BCOR: variants seen among roughly 807,000 people sequenced by gnomAD.
BCOR encodes BCL6 corepressor, also known as BCL-6 corepressor.
BCOR carries 10 observed loss-of-function variants against 86.7 expected under a neutral mutation model. The observed-to-expected ratio is 0.12, with a 90% CI of 0.07 to 0.20. The LOEUF (loss-of-function observed/expected upper bound fraction) is 0.20, where lower values mean the gene tolerates loss of function less well. BCOR is among the 10% of genes least tolerant of loss of function. BCOR has a pLI of 1.00. For missense variants in BCOR, 1,259 were observed against 1,452.1 expected (o/e 0.87, Z 2.16); for synonymous variants, 611 against 609.0 (o/e 1.00, Z -0.05).
intron 1 of BCOR, among the ~76,000 whole-genome samples, chrX:40,085,785 CGGTCCAGAGGCA>C (rs1936330997): frequency 1.8e-5 from 2 of 111,750 alleles, no homozygotes; most frequent in Non-Finnish European, 3.8e-5. Flanking sequence ...TGCCCCAGGA[CGGTCCAGAGGCA>C]GGTCCACATT....
chrX:40,067,620 C>T (rs917607565), intron 6 of BCOR, among the ~76,000 whole-genome samples: 2 of 111,873 alleles, frequency 1.8e-5, no homozygotes, highest in African/African-American at 6.5e-5. Flanking sequence ...GAAGATCTTT[C>T]CGCAAACGAG....
At chrX:40,086,307 A>T (rs1158265577) in intron 1 of BCOR, among the ~76,000 whole-genome samples, 1 of 112,729 alleles carries the variant, frequency 8.9e-6, no homozygotes, top group African/African-American at 3.2e-5. Flanking sequence ...CTTTCAGTTA[A>T]TAACACATTC....
At chrX:40,101,600 C>T (rs751605604), upstream of BCOR, among the ~76,000 whole-genome samples, 2 of 112,637 alleles carry the variant, frequency 1.8e-5, no homozygotes, top group South Asian at 7.2e-4. Context: ...GGCCTTGAGC[C>T]TGGCTGCCCT....
In BCOR at chrX:40,074,488, G is replaced by A. The variant is rs1331637718; in HGVS notation, c.858C>T (p.Ser286=). ...GGCTGACGCCCATCTTCCACGGGAG[G>A]CTTTTGTCTGCGCAATGGACGAGAG... ...IPPLVHCADK[S]LPWKMGVSPG... is the part of the protein sequence containing the mutation. The change falls in exon 4 of 15, where the codon AGC becomes AGT. Residue 286 remains serine, a synonymous_variant. Transcript: ENST00000378444. The A allele has an allele frequency of 5.0e-6, 6 of 1,205,420 alleles. No individual in the cohort carries two copies. Among genetic ancestry groups the A allele is most frequent in the Non-Finnish European group, 6.7e-6 (6 of 892,080 alleles).
At chrX:40,124,864 G>A (rs1466587745) in intron 1 of BCOR, among the ~76,000 whole-genome samples, 3 of 110,967 alleles carry the variant, frequency 2.7e-5, no homozygotes, top group African/African-American at 9.9e-5. Flanking sequence ...GGGCCACTGT[G>A]ACTGGCCCAC....
rs759446564 is a variant in BCOR, at chrX:40,073,126, C to T, written c.2220G>A (p.Glu740=). Residue 740 remains glutamate (E), a synonymous_variant, in exon 4 of 15, where the codon GAG becomes GAA. Coordinates refer to ENST00000378444, the MANE Select transcript of BCOR (RefSeq NM_001123385.2). ...IPHTPIEITK[E]EKPERRSRSH... is the part of the protein sequence containing the mutation. The stretch of plus-strand genomic sequence containing the variant: ...ACCGGGATCTCCTCTCTGGTTTCTC[C>T]TCTTTAGTAATCTCTATGGGCGTGT... 8 of 1,212,112 alleles carry T rather than the reference C, an allele frequency of 6.6e-6. No individual in the cohort carries two copies. The South Asian group carries it at 1.2e-4, about 19-fold the overall frequency.
chrX:40,101,342 A>G (rs1937070323), upstream of BCOR, among the ~76,000 whole-genome samples: 1 of 111,402 alleles, frequency 9.0e-6, no homozygotes, highest in African/African-American at 3.3e-5. Flanking sequence ...CAAGGGGAGG[A>G]TTTCAATGAA....
At chrX:40,154,190 C>T (rs1395563681) in intron 1 of BCOR, among the ~76,000 whole-genome samples, 2 of 112,617 alleles carry the variant, frequency 1.8e-5, no homozygotes, top group Non-Finnish European at 3.8e-5. Context: ...GTGGCTGCAG[C>T]GGGAAGCGCG....
intron 1 of BCOR, among the ~76,000 whole-genome samples, chrX:40,113,704 T>C (rs1937348589): frequency 8.9e-6 from 1 of 112,158 alleles, no homozygotes; most frequent in East Asian, 2.8e-4. Flanking sequence ...CTCAGAATTT[T>C]GTTTCTGGCT....
At chrX:40,107,982 CAAGA>C (rs1457259140) in intron 1 of BCOR, among the ~76,000 whole-genome samples, 3 of 113,337 alleles carry the variant, frequency 2.6e-5, no homozygotes, top group African/African-American at 9.6e-5. Context: ...TTGCCTTCTA[CAAGA>C]AAGGAGAGAA....
Position 40,063,937 on chromosome X carries a change from C to T in BCOR, c.3518G>A (p.Arg1173Lys). The stretch of plus-strand genomic sequence containing the variant: ...GTTAGAGGAACTGTTTGTCATTTCC[C>T]TCTCAGGCCAGTCATCTAATGGAGA... ...RRVSKDDWPE[R>K]EMTNSSSNHL... Residue 1173 changes from arginine (R) to lysine (K), a missense_variant, in exon 8 of 15, where the codon AGG becomes AAG. Physicochemically the swap from Arg to Lys is conservative, Grantham distance 26 (BLOSUM62 2). This residue lies in a region of BCOR where 305 missense variants were observed against 286.1 expected (regional missense o/e 1.07). Coordinates refer to ENST00000378444, the MANE Select transcript of BCOR (RefSeq NM_001123385.2). 1 of 1,199,740 alleles carries T rather than the reference C, an allele frequency of 8.3e-7. No individual in the cohort carries two copies. The highest frequency in any genetic ancestry group is 1.1e-6 in the Non-Finnish European group (1 of 887,830).
At chrX:40,059,366 A>T (rs1934757263) in intron 10 of BCOR, among the ~76,000 whole-genome samples, 2 of 112,507 alleles carry the variant, frequency 1.8e-5, no homozygotes, top group Admixed American at 1.9e-4. Flanking sequence ...CAATTAACAC[A>T]AAGTATCAGA....
In BCOR at chrX:40,072,436, C is replaced by T. The variant is rs138137552; in HGVS notation, c.2910G>A (p.Ala970=). 83 of 1,209,433 alleles carry T rather than the reference C, an allele frequency of 6.9e-5. No homozygotes were observed. The highest frequency in any genetic ancestry group is 7.8e-5 in the Non-Finnish European group (70 of 894,776). The change falls in exon 4 of 15, where the codon GCG becomes GCA. Residue 970 remains alanine, a synonymous_variant. Coordinates refer to ENST00000378444, the MANE Select transcript of BCOR (RefSeq NM_001123385.2). ...ATTTGAATCGGTCACCCACGTAACC[C>T]GCTGAGTTGGCGATTCTCTTTGCCA... The part of the protein sequence containing the change: ...SKLAKRIANS[A]GYVGDRFKCV...
chrX:40,088,144 C>G (rs1458864830), intron 1 of BCOR, among the ~76,000 whole-genome samples: 1 of 111,979 alleles, frequency 8.9e-6, no homozygotes, highest in Non-Finnish European at 1.9e-5. Flanking sequence ...AACAGATCCT[C>G]GAAAACAATC....
intron 1 of BCOR, among the ~76,000 whole-genome samples, chrX:40,139,416 A>T (rs868709473): frequency 8.6e-3 from 24 of 2,802 alleles, no homozygotes; most frequent in South Asian, 0.02. Context: ...TATATATATA[A>T]TATATATACA....
At chrX:40,092,924 G>T (rs550252220) in intron 1 of BCOR, among the ~76,000 whole-genome samples, 7 of 112,463 alleles carry the variant, frequency 6.2e-5, no homozygotes, top group African/African-American at 2.3e-4. Context: ...CACTCGGCAG[G>T]AAAGTCTTCG....
intron 1 of BCOR, among the ~76,000 whole-genome samples, chrX:40,176,557 C>T (rs1160981236): frequency 2.7e-5 from 3 of 112,907 alleles, no homozygotes; most frequent in African/African-American, 6.4e-5. Flanking sequence ...GTTCCGCTCT[C>T]GCCCCGGGAG....
chrX:40,140,384 A>T (rs1304114505), intron 1 of BCOR, among the ~76,000 whole-genome samples: 2 of 110,490 alleles, frequency 1.8e-5, no homozygotes, highest in East Asian at 5.6e-4. Flanking sequence ...GAAGCACTTG[A>T]GCCTGGGAGG....
intron 1 of BCOR, among the ~76,000 whole-genome samples, chrX:40,175,840 G>A (rs1021411390): frequency 8.8e-6 from 1 of 113,044 alleles, no homozygotes; most frequent in African/African-American, 3.2e-5. Context: ...TGAGGGGCGG[G>A]AAACTTTGCA....
Sources: allele counts gnomAD v4.1 joint callset (sites outside exome capture counted in the v4.1 genomes callset), GRCh38; gene constraint gnomAD v4.1.1; regional missense constraint gnomAD v4.1.1; transcripts MANE v1.5; gene names NCBI Gene and HGNC (gene_info 2026-07-23, HGNC 2026-07-21).